AIG1: variants seen among roughly 807,000 people sequenced by gnomAD.
AIG1 encodes the protein androgen-induced gene 1 protein.
AIG1 carries 23 observed loss-of-function variants against 31.4 expected under a neutral mutation model. The observed-to-expected ratio is 0.73, with a 90% CI of 0.53 to 1.04. The LOEUF (loss-of-function observed/expected upper bound fraction) is 1.04, where lower values mean the gene tolerates loss of function less well. Among genes scored for constraint, AIG1 ranks in the 50% least tolerant of loss-of-function variants. The pLI, the probability that AIG1 is intolerant of heterozygous loss-of-function variation, is 0.00. For missense variants in AIG1, 274 were observed against 295.0 expected, an observed-to-expected ratio of 0.93 and a Z score of 0.52; for synonymous variants, 100 against 110.5, an observed-to-expected ratio of 0.90 and a Z score of 0.60.
chr6:143,070,092 C>T (rs988324095), intron 1 of AIG1, among the ~76,000 whole-genome samples: 1 of 152,170 alleles, frequency 6.6e-6, no homozygotes, highest in Non-Finnish European at 1.5e-5. Flanking sequence ...AGTAAATCTT[C>T]GAAGCAGGTA....
chr6:143,163,039 C>T (rs1786554784), intron 2 of AIG1, among the ~76,000 whole-genome samples: 1 of 152,104 alleles, frequency 6.6e-6, no homozygotes, highest in Admixed American at 6.5e-5. Flanking sequence ...TATTGAAATG[C>T]AGGATCAGAG....
chr6:143,142,261 C>A (rs1382787368), intron 2 of AIG1, among the ~76,000 whole-genome samples: 1 of 152,028 alleles, frequency 6.6e-6, no homozygotes, highest in African/African-American at 2.4e-5. Flanking sequence ...ATTTTGGAGA[C>A]AGGGGTCCCA....
chr6:143,226,460 G>A lies in AIG1; in HGVS notation c.400-57650G>A, dbSNP rs561264107. 5.0e-3 allele frequency among the ~76,000 whole-genome samples: 757 copies of A among 151,848 alleles called. 6 individuals carry two copies. Among genetic ancestry groups the A allele is most frequent in the Non-Finnish European group, 7.6e-3 (519 of 67,936 alleles). ...GGGGTTTCACCGTGTTGGCCAGGAT[G>A]GTCTTGATCTCTTGACCTCGTGATC... On this transcript the variant is annotated intron_variant, in intron 3 of 5. Coordinates refer to ENST00000357847, the MANE Select transcript of AIG1 (RefSeq NM_016108.4).
At chr6:143,204,672 T>A (rs1263137986) in intron 3 of AIG1, among the ~76,000 whole-genome samples, 1 of 152,166 alleles carries the variant, frequency 6.6e-6, no homozygotes, top group Non-Finnish European at 1.5e-5. Context: ...TATAGCCATC[T>A]TTCATCACCC....
chr6:143,252,396 C>G (rs1795072345), intron 3 of AIG1, among the ~76,000 whole-genome samples: 1 of 152,130 alleles, frequency 6.6e-6, no homozygotes, highest in Non-Finnish European at 1.5e-5. Flanking sequence ...GCTGGGATTA[C>G]AGACGTGAGG....
chr6:143,218,436 A>G (rs1792201539), intron 3 of AIG1, among the ~76,000 whole-genome samples: 2 of 152,218 alleles, frequency 1.3e-5, no homozygotes, highest in Admixed American at 1.3e-4. Flanking sequence ...ATAGAATAAA[A>G]TATCATATGT....
chr6:143,181,996 TCTCA>T (rs112253220), intron 3 of AIG1, among the ~76,000 whole-genome samples: 11 of 152,234 alleles, frequency 7.2e-5, no homozygotes, highest in African/African-American at 1.9e-4. Flanking sequence ...TCTCTCTTTC[TCTCA>T]CTCTCTCTCT....
At chr6:143,165,294 G>T (rs1562447317) in intron 3 of AIG1, 111 bp downstream of exon 3, 1 of 790,892 alleles carries the variant, frequency 1.3e-6, no homozygotes, top group South Asian at 1.7e-5. Context: ...ATGAAATCTT[G>T]GAAGGTTATA....
chr6:143,190,139 G>A, intron 3 of AIG1: 2 of 976,740 alleles, frequency 2.0e-6, no homozygotes, highest in Non-Finnish European at 2.4e-6. Context: ...AGAGGTTAGG[G>A]TTTCAACATA....
intron 3 of AIG1, among the ~76,000 whole-genome samples, chr6:143,283,342 T>G (rs750994998): frequency 1.3e-5 from 2 of 152,214 alleles, no homozygotes; most frequent in Non-Finnish European, 2.9e-5. Flanking sequence ...ATTCATGCAC[T>G]ACTGGTCCAA....
intron 3 of AIG1, among the ~76,000 whole-genome samples, chr6:143,247,549 C>A (rs992796074): frequency 6.6e-6 from 1 of 152,198 alleles, no homozygotes. Flanking sequence ...CCCTAATAAA[C>A]AAAGACACTT....
intron 1 of AIG1, among the ~76,000 whole-genome samples, chr6:143,062,329 T>A (rs955952139): frequency 2.6e-5 from 4 of 152,192 alleles, no homozygotes; most frequent in Non-Finnish European, 5.9e-5. Flanking sequence ...GGTTTTAATT[T>A]TCAGATCCTC....
intron 3 of AIG1, among the ~76,000 whole-genome samples, chr6:143,232,149 T>C (rs1203642081): frequency 1.3e-5 from 2 of 152,116 alleles, no homozygotes; most frequent in Non-Finnish European, 2.9e-5. Context: ...GCAAAGAAAG[T>C]TGGAGGTATT....
rs1160154634 is a variant in AIG1 at position 143,256,399 on chromosome 6, C to T, written c.400-27711C>T. 6.6e-6 allele frequency among the ~76,000 whole-genome samples: 1 copy of T among 152,198 alleles called. No individual in the cohort carries two copies. Among genetic ancestry groups the T allele is most frequent in the Non-Finnish European group, 1.5e-5 (1 of 68,034 alleles). On this transcript the variant is annotated intron_variant, in intron 3 of 5. Coordinates refer to ENST00000357847, the MANE Select transcript of AIG1 (RefSeq NM_016108.4). The surrounding 1 kb of genome is among the most constrained non-coding windows in gnomAD (Gnocchi z 4.6). ...AGTTTTATTTATGTCATATCATAGG[C>T]TGGTTTCTGGGGCTACAACTTTTAC...
downstream of AIG1, chr6:143,342,185 A>C (rs1436944877): frequency 1.7e-6 from 1 of 605,944 alleles, no homozygotes; most frequent in East Asian, 3.1e-5. Context: ...GGCCTCTCAA[A>C]GTACTGGGAT....
intron 2 of AIG1, among the ~76,000 whole-genome samples, chr6:143,142,445 GTAATC>G (rs1013570807): frequency 3.2e-4 from 49 of 152,320 alleles, no homozygotes; most frequent in African/African-American, 1.1e-3. Flanking sequence ...AATAATGCAT[GTAATC>G]TAACCTCATA....
At chr6:143,323,081 A>C (rs1433237919) in intron 4 of AIG1, among the ~76,000 whole-genome samples, 1 of 152,170 alleles carries the variant, frequency 6.6e-6, no homozygotes, top group African/African-American at 2.4e-5. Flanking sequence ...GAAGTTAAAT[A>C]GTATCCAAGG....
At position 143,238,588 on chromosome 6, in the gene AIG1, T is replaced by TA. The variant is rs532818727; in HGVS notation, c.400-45513dup. Among the ~76,000 whole-genome samples, 7 of 151,486 alleles carry TA rather than the reference T, an allele frequency of 4.6e-5. No homozygotes were observed. In the East Asian group the frequency reaches 5.8e-4, roughly 13 times the overall value. On this transcript the variant is annotated intron_variant, in intron 3 of 5. Transcript: ENST00000357847. ...TGAGGTCATGGGATCTCTACCAGCT[T>TA]AAAAAAAAATTATGTTTCATTTGAA...
At position 143,069,399 on chromosome 6, in the gene AIG1, A is replaced by G. The variant is rs543208557; in HGVS notation, c.141+8333A>G. ...GATGCACAGTTTTGATAGATGCACA[A>G]TTTTCCAGAGTGGATGTGCCATGTT... On this transcript the variant is annotated intron_variant, in intron 1 of 5. Coordinates refer to ENST00000357847, the MANE Select transcript of AIG1 (RefSeq NM_016108.4). 1.9e-3 allele frequency among the ~76,000 whole-genome samples: 285 copies of G among 152,232 alleles called. 1 individual carries two copies. The highest frequency in any genetic ancestry group is 6.5e-3 in the African/African-American group (270 of 41,536).
Sources: allele counts gnomAD v4.1 joint callset (sites outside exome capture counted in the v4.1 genomes callset), GRCh38; gene constraint gnomAD v4.1.1; non-coding constraint Gnocchi (gnomAD v3.1); transcripts MANE v1.5; gene names NCBI Gene and HGNC (gene_info 2026-07-23, HGNC 2026-07-21).